The following NOS2 variants were observed in gnomAD, a reference collection of about 807,000 sequenced individuals.
NOS2 encodes nitric oxide synthase 2.
Under a neutral mutation model 136.0 loss-of-function variants are expected in NOS2, and 96 were observed. The observed-to-expected ratio is 0.71, with a 90% CI of 0.60 to 0.84. The LOEUF (loss-of-function observed/expected upper bound fraction) is 0.84. Ranked by LOEUF, NOS2 falls within the 40% of genes least tolerant of loss-of-function variation. The pLI, the probability that NOS2 is intolerant of heterozygous loss-of-function variation, is 0.00. For missense variants in NOS2, 1,237 were observed against 1,496.9 expected (o/e 0.83, Z 2.87); for synonymous variants, 539 against 587.5 (o/e 0.92, Z 1.20).
chr17:27,795,392 C>A (rs1330665723), intron 2 of NOS2, among the ~76,000 whole-genome samples: 1 of 152,236 alleles, frequency 6.6e-6, no homozygotes, highest in Non-Finnish European at 1.5e-5. Context: ...ATTATTGACA[C>A]AGTACTAAGG....
intron 5 of NOS2, among the ~76,000 whole-genome samples, chr17:27,786,145 G>A (rs1049938569): frequency 2.0e-5 from 3 of 151,058 alleles, no homozygotes; most frequent in East Asian, 2.0e-4. Context: ...TTTCTGGGCC[G>A]GGCTCGGTGG....
At chr17:27,790,799 G>C (rs1909162188) in intron 2 of NOS2, among the ~76,000 whole-genome samples, 1 of 152,184 alleles carries the variant, frequency 6.6e-6, no homozygotes, top group African/African-American at 2.4e-5. Flanking sequence ...CGTTTGTCCT[G>C]GTTTGGGATT....
intron 14 of NOS2, among the ~76,000 whole-genome samples, chr17:27,771,939 G>A (rs1355217772): frequency 2.0e-5 from 3 of 152,226 alleles, no homozygotes; most frequent in East Asian, 3.9e-4. Context: ...CAGACCCTCT[G>A]CGGCCTTTTT....
In NOS2 at chr17:27,781,125, C is replaced by T. The variant is rs143537629; in HGVS notation, c.775G>A (p.Val259Met). The T allele has an allele frequency of 2.5e-6, 4 of 1,612,814 alleles. No individual in the cohort carries two copies. The highest frequency in any genetic ancestry group is 2.2e-5 in the South Asian group (2 of 91,088). ...TAGCGGATGAGCTGAGCATTCCACA[C>T]CCGGAAGTCGTGCTTGCCATCACTC... is the stretch of plus-strand genomic sequence containing the variant. The part of the protein sequence containing the change: ...QRSDGKHDFR[V>M]WNAQLIRYAG... The change falls in exon 8 of 27, where the codon GTG (valine) becomes ATG (methionine). Residue 259 changes from valine to methionine, a missense_variant. Physicochemically the swap from Val to Met is conservative, Grantham distance 21 (BLOSUM62 1). This residue lies in a region of NOS2 where 440 missense variants were observed against 545.4 expected (regional missense o/e 0.81). Transcript: ENST00000313735.
rs200960935 is a variant in NOS2 at position 27,757,022 on chromosome 17, C to T, written c.*224G>A. The T allele has an allele frequency of 1.3e-5, 6 of 465,280 alleles. No homozygotes were observed. Among genetic ancestry groups the T allele is most frequent in the Non-Finnish European group, 1.9e-5 (5 of 266,588 alleles). 28.8% of individuals were successfully genotyped at this position (465,280 alleles called of 1,614,324 possible). A position where few individuals can be genotyped will look rare whatever the true frequency, so the allele number is the denominator to read the frequency against. Reference sequence around the variant, plus strand: ...CATTTAAGATTTTGTCTCCAAGGGACCAGGGAGGCCCCAGTTTGAGAGAGG... The same window carrying T: ...CATTTAAGATTTTGTCTCCAAGGGATCAGGGAGGCCCCAGTTTGAGAGAGG... On this transcript the variant is annotated 3_prime_UTR_variant, in exon 27 of 27. Transcript: ENST00000313735.
intron 13 of NOS2, among the ~76,000 whole-genome samples, chr17:27,772,835 A>G (rs1175725278): frequency 6.6e-6 from 1 of 152,060 alleles, no homozygotes; most frequent in Non-Finnish European, 1.5e-5. Context: ...GGAGTTCAAG[A>G]CCAACCTGGG....
At chr17:27,765,742 G>A in intron 19 of NOS2, 26 bp from the exon 20 acceptor site, 1 of 1,575,094 alleles carries the variant, frequency 6.3e-7, no homozygotes, top group Non-Finnish European at 8.6e-7. Context: ...GAAGCCTCAG[G>A]TGACATTGCA....
intron 22 of NOS2, among the ~76,000 whole-genome samples, chr17:27,762,315 G>A (rs1908159734): frequency 6.6e-6 from 1 of 152,190 alleles, no homozygotes; most frequent in East Asian, 1.9e-4. Flanking sequence ...GGCACCCACT[G>A]AATAGCTGAG....
At chr17:27,790,087 A>G (rs1362860725) in intron 2 of NOS2, among the ~76,000 whole-genome samples, 3 of 152,136 alleles carry the variant, frequency 2.0e-5, no homozygotes, top group Non-Finnish European at 1.5e-5. Flanking sequence ...TGGTTGACTG[A>G]TTGACTGATT....
At chr17:27,789,054 C>T in intron 3 of NOS2, 123 bp from the exon 4 acceptor site, 1 of 1,336,306 alleles carries the variant, frequency 7.5e-7, no homozygotes, top group Non-Finnish European at 1.0e-6. Context: ...CCACGTCCCT[C>T]CTCTGTTTCC....
In NOS2 at chr17:27,764,125, G is replaced by A; in HGVS notation, c.2448C>T (p.Asp816=). The A allele has an allele frequency of 6.4e-7, 1 of 1,562,896 alleles. No individual in the cohort carries two copies. The highest frequency in any genetic ancestry group is 1.7e-4 in the Middle Eastern group (1 of 5,826). ...TGAGTGAGCAGGGGGGCAGCCTCTT[G>A]TCACTGACCCAGTAGCTGCCTGGAT... ...LDESGSYWVS[D]KRLPPCSLSQ... Residue 816 remains aspartate, a synonymous_variant, in exon 21 of 27, where the codon GAC becomes GAT. Coordinates refer to ENST00000313735, the MANE Select transcript of NOS2 (RefSeq NM_000625.4).
At chr17:27,772,959 CG>C in intron 13 of NOS2, among the ~76,000 whole-genome samples, 1 of 152,254 alleles carries the variant, frequency 6.6e-6, no homozygotes, top group East Asian at 1.9e-4. Context: ...CACTTGAGCT[CG>C]GGAAGCAGAG....
In NOS2 at chr17:27,757,310, G is replaced by A; in HGVS notation, c.3398C>T (p.Pro1133Leu). 1 of 1,614,144 alleles carries A rather than the reference G, an allele frequency of 6.2e-7. No individual in the cohort carries two copies. The highest frequency in any genetic ancestry group is 8.5e-7 in the Non-Finnish European group (1 of 1,180,022). Residue 1133 changes from proline to leucine, a missense_variant, in exon 27 of 27, where the codon CCT becomes CTT. Pro to Leu is a moderately conservative substitution (Grantham distance 98). Transcript: ENST00000313735. ...YHEDIFGAVF[P>L]YEAKKDRVAV... The stretch of plus-strand genomic sequence containing the variant: ...CACCCTGTCCTTCTTCGCCTCGTAA[G>A]GAAATACAGCACCAAAGATATCTTC...
intron 21 of NOS2, among the ~76,000 whole-genome samples, chr17:27,763,242 G>A (rs1459062510): frequency 6.6e-6 from 1 of 152,164 alleles, no homozygotes; most frequent in East Asian, 1.9e-4. Context: ...CAACTCATGG[G>A]CAGGGGTCAA....
At chr17:27,772,163 G>A in intron 14 of NOS2, 145 bp downstream of exon 14, 1 of 899,790 alleles carries the variant, frequency 1.1e-6, no homozygotes, top group South Asian at 1.7e-5. Context: ...CTGCACACAA[G>A]TCTTTCCTTC....
intron 2 of NOS2, among the ~76,000 whole-genome samples, chr17:27,790,010 T>A (rs1287040974): frequency 6.6e-6 from 1 of 152,192 alleles, no homozygotes; most frequent in Admixed American, 6.5e-5. Context: ...AGGGGCTGGG[T>A]GGGCAGAGAA....
intron 11 of NOS2, among the ~76,000 whole-genome samples, chr17:27,775,388 G>C (rs28450000): frequency 6.6e-6 from 1 of 151,956 alleles, no homozygotes; most frequent in Non-Finnish European, 1.5e-5. Context: ...ACCTGAGGTC[G>C]GGAGTTTGAG....
chr17:27,779,052 C>T lies in NOS2; in HGVS notation c.1009G>A (p.Glu337Lys), dbSNP rs141497943. ...TTTAGCTCCAGTTCCCGAAACCACTCGTATCTGGCAAAAAGGTAGACACAA... is the reference window on the plus strand; with the variant it reads ...TTTAGCTCCAGTTCCCGAAACCACTTGTATCTGGCAAAAAGGTAGACACAA... ...LEVAMEHPKY[E>K]WFRELELKWY... is the part of the protein sequence containing the mutation. The change falls in exon 10 of 27, where the codon GAG (glutamate) becomes AAG (lysine). Residue 337 changes from glutamate (E) to lysine (K), a missense_variant. Transcript: ENST00000313735. The T allele has an allele frequency of 2.2e-5, 33 of 1,503,636 alleles. No individual in the cohort carries two copies. The highest frequency in any genetic ancestry group is 2.8e-5 in the Non-Finnish European group (31 of 1,123,546). The allele number at this position is 1,503,636 out of a possible 1,614,324, so 93.1% of individuals were successfully genotyped here.
intron 2 of NOS2, chr17:27,793,817 T>G (rs1015191291): frequency 5.4e-5 from 20 of 372,616 alleles, no homozygotes; most frequent in Non-Finnish European, 8.1e-5. Context: ...CGGGGGCTCT[T>G]CACCCACGCG....
Sources: gnomAD v4.1 joint callset for allele counts (sites outside exome capture counted in the v4.1 genomes callset) on GRCh38, gnomAD v4.1.1 for gene constraint, gnomAD v4.1.1 regional missense constraint, MANE v1.5 for transcripts, NCBI Gene and HGNC (gene_info 2026-07-23, HGNC 2026-07-21) for gene names.